The following PDLIM5 variants were observed in gnomAD, a reference collection of about 807,000 sequenced individuals.
PDLIM5 encodes PDZ and LIM domain 5, also known as PDZ and LIM domain protein 5.
PDLIM5 carries 34 observed loss-of-function variants against 64.2 expected under a neutral mutation model. The ratio of observed to expected loss-of-function variants is 0.53; its 90% CI spans 0.40 to 0.71. The LOEUF (loss-of-function observed/expected upper bound fraction) is 0.71, where lower values mean the gene tolerates loss of function less well. Among genes scored for constraint, PDLIM5 ranks in the 30% least tolerant of loss-of-function variants. The pLI is 0.00. For synonymous variants in PDLIM5, 253 were observed against 269.1 expected (o/e 0.94, Z 0.59); for missense variants, 683 against 733.6 (o/e 0.93, Z 0.80).
chr4:94,476,082 A>G (rs183632978), intron 2 of PDLIM5, among the ~76,000 whole-genome samples: 4 of 152,354 alleles, frequency 2.6e-5, no homozygotes, highest in Non-Finnish European at 5.9e-5. Flanking sequence ...AAAAACAAAT[A>G]TGTCATAAAT....
At chr4:94,648,966 T>G (rs973231028) in intron 9 of PDLIM5, among the ~76,000 whole-genome samples, 18 of 152,066 alleles carry the variant, frequency 1.2e-4, no homozygotes, top group Non-Finnish European at 2.9e-5. Context: ...TAATTGTTTT[T>G]TTTTGATTTT....
chr4:94,525,417 C>T (rs1440694996), intron 3 of PDLIM5, among the ~76,000 whole-genome samples: 2 of 149,658 alleles, frequency 1.3e-5, no homozygotes, highest in African/African-American at 5.0e-5. Context: ...CACTCTGTCG[C>T]CCCACCCCCC....
intron 8 of PDLIM5, among the ~76,000 whole-genome samples, chr4:94,624,881 CG>C (rs1461266775): frequency 2.6e-5 from 4 of 152,018 alleles, no homozygotes; most frequent in Admixed American, 6.6e-5. Context: ...ATTTATAAGC[CG>C]GAAGTGGCAA....
chr4:94,539,890 G>A (rs1171148004), intron 3 of PDLIM5, among the ~76,000 whole-genome samples: 1 of 152,056 alleles, frequency 6.6e-6, no homozygotes, highest in East Asian at 1.9e-4. Flanking sequence ...TGGTTAGAGG[G>A]TTGGGAGGGT....
rs141196984 is a variant in PDLIM5 at position 94,524,485 on chromosome 4, G to A, written c.248+610G>A. ...TTCTTTCTGTTAGGTAAAATTCTGA[G>A]CATTATATTAAAGGGTATTCTTTTA... On this transcript the variant is annotated intron_variant, in intron 3 of 12. Coordinates refer to ENST00000317968, the MANE Select transcript of PDLIM5 (RefSeq NM_006457.5). Among the ~76,000 whole-genome samples the A allele has an allele frequency of 2.4e-4, 36 of 151,428 alleles. No individual in the cohort carries two copies. In the East Asian group the frequency reaches 7.0e-3, roughly 29 times the overall value.
At position 94,654,543 on chromosome 4, in the gene PDLIM5, T is replaced by C. The variant is rs757567107; in HGVS notation, c.1367T>C (p.Ile456Thr). ...CACTGCAAAAATACAATGGCCTACATTGGATTTGTAGAGGAGAAAGGAGCC... is the reference window on the plus strand; with the variant it reads ...CACTGCAAAAATACAATGGCCTACACTGGATTTGTAGAGGAGAAAGGAGCC... ...CAHCKNTMAY[I>T]GFVEEKGALY... is the part of the protein sequence containing the mutation. Residue 456 changes from isoleucine (I) to threonine (T), a missense_variant, in exon 10 of 13, where the codon ATT becomes ACT. Transcript: ENST00000317968. 8.1e-6 allele frequency: 13 copies of C among 1,609,920 alleles called. No individual in the cohort carries two copies. The highest frequency in any genetic ancestry group is 1.1e-5 in the South Asian group (1 of 91,040).
Position 94,640,405 on chromosome 4 carries a change from C to A in PDLIM5, c.1238C>A (p.Ala413Glu). 1 of 1,610,748 alleles carries A rather than the reference C, an allele frequency of 6.2e-7. No individual in the cohort carries two copies. Among genetic ancestry groups the A allele is most frequent in the Non-Finnish European group, 8.5e-7 (1 of 1,178,252 alleles). The change falls in exon 9 of 13, where the codon GCA (alanine) becomes GAA (glutamate). Residue 413 changes from alanine (A) to glutamate (E), a missense_variant. Transcript: ENST00000317968. ...TLVQRAEHIP[A>E]GKRTPMCAHC... is the part of the protein sequence containing the mutation. ...GTGCAAAGAGCTGAGCACATTCCAGCAGGGAAACGAACTCCGATGTGCGCC... is the reference window on the plus strand; with the variant it reads ...GTGCAAAGAGCTGAGCACATTCCAGAAGGGAAACGAACTCCGATGTGCGCC...
intron 2 of PDLIM5, among the ~76,000 whole-genome samples, chr4:94,462,631 C>T (rs1047717104): frequency 2.0e-5 from 3 of 151,990 alleles, no homozygotes; most frequent in African/African-American, 7.3e-5. Flanking sequence ...TAAGTTTTGC[C>T]TATATATGTG....
chr4:94,514,344 C>T (rs1729178629), intron 2 of PDLIM5, among the ~76,000 whole-genome samples: 1 of 151,902 alleles, frequency 6.6e-6, no homozygotes, highest in Non-Finnish European at 1.5e-5. Context: ...CCATGTTAGC[C>T]AGGATGGTCT....
At chr4:94,647,862 T>C (rs1436001240) in intron 9 of PDLIM5, among the ~76,000 whole-genome samples, 1 of 152,054 alleles carries the variant, frequency 6.6e-6, no homozygotes, top group Non-Finnish European at 1.5e-5. Context: ...AGAAGAAAAT[T>C]TGGGAAATTC....
At chr4:94,611,546 A>G (rs1036697623) in intron 7 of PDLIM5, among the ~76,000 whole-genome samples, 9 of 152,250 alleles carry the variant, frequency 5.9e-5, no homozygotes, top group African/African-American at 2.2e-4. Flanking sequence ...TTGGTAAGAC[A>G]TAGCTTTTAG....
intron 2 of PDLIM5, among the ~76,000 whole-genome samples, chr4:94,473,730 GTC>G (rs1725081273): frequency 6.6e-6 from 1 of 152,186 alleles, no homozygotes; most frequent in Non-Finnish European, 1.5e-5. Context: ...CAAGTTTGAA[GTC>G]TCTGCTGATT....
chr4:94,623,812 G>A (rs1188447839), intron 8 of PDLIM5, among the ~76,000 whole-genome samples: 1 of 152,138 alleles, frequency 6.6e-6, no homozygotes, highest in Non-Finnish European at 1.5e-5. Flanking sequence ...TTGAAAAGGT[G>A]GGAGCACTGT....
At chr4:94,662,135 TG>T (rs1280975878) in intron 11 of PDLIM5, among the ~76,000 whole-genome samples, 2 of 152,160 alleles carry the variant, frequency 1.3e-5, no homozygotes. Flanking sequence ...GTTCTTTATA[TG>T]TATTTAGGCA....
At position 94,665,483 on chromosome 4, in the gene PDLIM5, A is replaced by G; in HGVS notation, c.*1416A>G. ...TGACAGAGCAAGACTCCGGCTCTTA[A>G]AAAAAAAAAAAAAAAAAAAAAAAGA... On this transcript the variant is annotated 3_prime_UTR_variant, in exon 13 of 13. Coordinates refer to ENST00000317968, the MANE Select transcript of PDLIM5 (RefSeq NM_006457.5). The G allele has an allele frequency of 3.4e-4, 7 of 20,762 alleles. No homozygotes were observed. Among genetic ancestry groups the G allele is most frequent in the Non-Finnish European group, 4.9e-4 (7 of 14,356 alleles). The allele number at this position is 20,762 out of a possible 1,614,324, so 1.3% of individuals were successfully genotyped here. A position where few individuals can be genotyped will look rare whatever the true frequency, so the allele number is the denominator to read the frequency against.
chr4:94,470,761 A>G (rs1724799218), intron 2 of PDLIM5, among the ~76,000 whole-genome samples: 1 of 152,210 alleles, frequency 6.6e-6, no homozygotes. Context: ...AGTAGTAGAT[A>G]ATAATGTCTA....
At chr4:94,629,007 C>T (rs1739923561) in intron 8 of PDLIM5, among the ~76,000 whole-genome samples, 1 of 151,820 alleles carries the variant, frequency 6.6e-6, no homozygotes, top group Non-Finnish European at 1.5e-5. Context: ...AAAGCATAGA[C>T]TTGTCTTCCC....
At chr4:94,516,456 A>G (rs1729364376) in intron 2 of PDLIM5, among the ~76,000 whole-genome samples, 1 of 152,150 alleles carries the variant, frequency 6.6e-6, no homozygotes, top group Non-Finnish European at 1.5e-5. Flanking sequence ...ATTCTAACCT[A>G]CAAAAAGCCT....
intron 3 of PDLIM5, among the ~76,000 whole-genome samples, chr4:94,555,703 T>A (rs1733234800): frequency 6.6e-6 from 1 of 151,982 alleles, no homozygotes; most frequent in Non-Finnish European, 1.5e-5. Context: ...GGTAAATACA[T>A]GGATATCGTG....
Sources: allele counts gnomAD v4.1 joint callset (sites outside exome capture counted in the v4.1 genomes callset), GRCh38; gene constraint gnomAD v4.1.1; transcripts MANE v1.5; gene names NCBI Gene and HGNC (gene_info 2026-07-23, HGNC 2026-07-21).